Variants in HTR2B observed in about 807,000 individuals in gnomAD.
The protein encoded by HTR2B is 5-hydroxytryptamine receptor 2B.
HTR2B carries 31 observed loss-of-function variants against 39.8 expected under a neutral mutation model. The observed-to-expected ratio is 0.78, with a 90% CI of 0.58 to 1.05. The LOEUF (loss-of-function observed/expected upper bound fraction) is 1.05, where lower values mean the gene tolerates loss of function less well. Among genes scored for constraint, HTR2B ranks in the 50% least tolerant of loss-of-function variants. The pLI is 0.00. For synonymous variants in HTR2B, 210 were observed against 207.1 expected (o/e 1.01, Z -0.12); for missense variants, 562 against 578.0 (o/e 0.97, Z 0.28).
chr2:231,120,131 T>G (rs1333438117), intron 2 of HTR2B, among the ~76,000 whole-genome samples: 1 of 151,960 alleles, frequency 6.6e-6, no homozygotes, highest in Non-Finnish European at 1.5e-5. Context: ...TTTGTATTTT[T>G]AGTAGGGACA....
rs1244462610 is a variant in HTR2B, at chr2:231,123,943, G to T, written c.-179C>A. ...CTAAAATGAGCGCATACACACATCT[G>T]TCCATGTTTGTAGGTAAGATATCCA... On this transcript the variant is annotated 5_prime_UTR_variant, in exon 2 of 4. Transcript: ENST00000258400. The T allele has an allele frequency of 1.6e-6, 1 of 621,658 alleles. No individual in the cohort carries two copies. The highest frequency in any genetic ancestry group is 1.8e-5 in the African/African-American group (1 of 54,208). The allele number at this position is 621,658 out of a possible 1,614,324, so 38.5% of individuals were successfully genotyped here. A position where few individuals can be genotyped will look rare whatever the true frequency, so the allele number is the denominator to read the frequency against.
At chr2:231,115,274 T>C (rs1436394164) in intron 2 of HTR2B, among the ~76,000 whole-genome samples, 1 of 152,158 alleles carries the variant, frequency 6.6e-6, no homozygotes, top group Non-Finnish European at 1.5e-5. Context: ...GAGATTTTTT[T>C]AAAGTCAGGT....
chr2:231,119,106 T>G (rs1695443724), intron 2 of HTR2B, among the ~76,000 whole-genome samples: 1 of 152,256 alleles, frequency 6.6e-6, no homozygotes, highest in South Asian at 2.1e-4. Context: ...GTTTTAAATG[T>G]TTTAAGCATT....
chr2:231,123,645 T>C lies in HTR2B; in HGVS notation c.120A>G (p.Pro40=), dbSNP rs769183553. The part of the protein sequence containing the change: ...NWSGLQTESI[P]EEMKQIVEEQ... ...CCTCAACAATCTGTTTCATTTCCTCTGGTATTGATTCTGTCTGTAATCCAG... is the reference window on the plus strand; with the variant it reads ...CCTCAACAATCTGTTTCATTTCCTCCGGTATTGATTCTGTCTGTAATCCAG... Residue 40 remains proline, a synonymous_variant, in exon 2 of 4, where the codon CCA becomes CCG. Coordinates refer to ENST00000258400, the MANE Select transcript of HTR2B (RefSeq NM_000867.5). The C allele has an allele frequency of 7.4e-6, 12 of 1,614,054 alleles. No individual in the cohort carries two copies. In the Admixed American group the frequency reaches 1.3e-4, roughly 18 times the overall value.
chr2:231,110,615 A>G (rs1695126038), intron 3 of HTR2B, among the ~76,000 whole-genome samples: 1 of 152,224 alleles, frequency 6.6e-6, no homozygotes, highest in Non-Finnish European at 1.5e-5. Context: ...TGACAAGAAT[A>G]TGTTCCTCAA....
intron 2 of HTR2B, among the ~76,000 whole-genome samples, chr2:231,116,045 A>G (rs1419052023): frequency 6.6e-6 from 1 of 152,130 alleles, no homozygotes; most frequent in African/African-American, 2.4e-5. Context: ...ATGGAAAGGA[A>G]CTAATGGGAG....
rs1249244585 is a variant in HTR2B at position 231,123,601 on chromosome 2, T to G, written c.164A>C (p.His55Pro). 1.1e-5 allele frequency: 17 copies of G among 1,614,026 alleles called. No individual in the cohort carries two copies. The East Asian group carries it at 3.6e-4, about 34-fold the overall frequency. ...CATGAGTATCAGAAGAGCTGCCCAG[T>G]GCAGTTTATTTCCCTGTTCCTCAAC... ...QIVEEQGNKL[H>P]WAALLILMVI... The change falls in exon 2 of 4, where the codon CAC (histidine) becomes CCC (proline). Residue 55 changes from histidine to proline, a missense_variant. Transcript: ENST00000258400.
chr2:231,109,760 CA>C (rs2047709856), intron 3 of HTR2B, among the ~76,000 whole-genome samples: 1 of 152,132 alleles, frequency 6.6e-6, no homozygotes, highest in Non-Finnish European at 1.5e-5. Flanking sequence ...AAGAGAAATT[CA>C]GAAGAGAACC....
chr2:231,113,571 A>G (rs1046930648), intron 3 of HTR2B, among the ~76,000 whole-genome samples, 158 bp downstream of exon 3: 2 of 152,238 alleles, frequency 1.3e-5, no homozygotes, highest in Non-Finnish European at 2.9e-5. Flanking sequence ...TAGAAGGCGT[A>G]TGATAAATGC....
chr2:231,111,184 A>T (rs1168484495), intron 3 of HTR2B, among the ~76,000 whole-genome samples: 1 of 151,848 alleles, frequency 6.6e-6, no homozygotes, highest in Admixed American at 6.6e-5. Flanking sequence ...TATTTCTTGA[A>T]CTCTTTGACT....
chr2:231,123,770 G>C lies in HTR2B; in HGVS notation c.-6C>G. On this transcript the variant is annotated 5_prime_UTR_variant, in exon 2 of 4. Coordinates refer to ENST00000258400, the MANE Select transcript of HTR2B (RefSeq NM_000867.5). ...ACTCTGTAAGAGAGAGCCATTTGCT[G>C]TTTTTCTGTGATTCAATCCCGTTCC... The C allele has an allele frequency of 6.2e-7, 1 of 1,603,866 alleles. No homozygotes were observed. The highest frequency in any genetic ancestry group is 8.5e-7 in the Non-Finnish European group (1 of 1,170,770).
In HTR2B at chr2:231,123,842, T is replaced by G; in HGVS notation, c.-78A>C. ...GTAGCTAAGCTGCTCATCTGTTTTT[T>G]TAAGGCATTGTAACCATGCCAAACA... On this transcript the variant is annotated 5_prime_UTR_variant, in exon 2 of 4. An upstream open reading frame in the 5' UTR loses its in-frame stop. Coordinates refer to ENST00000258400, the MANE Select transcript of HTR2B (RefSeq NM_000867.5). 1 of 1,154,796 alleles carries G rather than the reference T, an allele frequency of 8.7e-7. No individual in the cohort carries two copies. The highest frequency in any genetic ancestry group is 1.3e-6 in the Non-Finnish European group (1 of 764,706). 71.5% of individuals were successfully genotyped at this position (1,154,796 alleles called of 1,614,324 possible). A position where few individuals can be genotyped will look rare whatever the true frequency, so the allele number is the denominator to read the frequency against.
Position 231,123,630 on chromosome 2 carries a change from C to A in HTR2B, c.135G>T (p.Gln45His), listed in dbSNP as rs1358683268. ...GTTTATTTCCCTGTTCCTCAACAAT[C>A]TGTTTCATTTCCTCTGGTATTGATT... ...QTESIPEEMK[Q>H]IVEEQGNKLH... The change falls in exon 2 of 4, where the codon CAG becomes CAT. Residue 45 changes from glutamine (Q) to histidine (H), a missense_variant. Coordinates refer to ENST00000258400, the MANE Select transcript of HTR2B (RefSeq NM_000867.5). 1 of 1,614,018 alleles carries A rather than the reference C, an allele frequency of 6.2e-7. No individual in the cohort carries two copies. Among genetic ancestry groups the A allele is most frequent in the East Asian group, 2.2e-5 (1 of 44,896 alleles).
In HTR2B at chr2:231,108,892, A is replaced by G; in HGVS notation, c.1071T>C (p.Thr357=). Residue 357 remains threonine, a synonymous_variant, in exon 4 of 4, where the codon ACT becomes ACC. Coordinates refer to ENST00000258400, the MANE Select transcript of HTR2B (RefSeq NM_000867.5). ...CAAATATCTCCAGGAGCATTTGGAG[A>G]GTAGTTTGGTTACAGGAATCACATA... is the stretch of plus-strand genomic sequence containing the variant. ...LVLCDSCNQT[T]LQMLLEIFVW... 6.2e-7 allele frequency: 1 copy of G among 1,614,162 alleles called. No homozygotes were observed. Among genetic ancestry groups the G allele is most frequent in the Non-Finnish European group, 8.5e-7 (1 of 1,180,008 alleles).
At position 231,123,910 on chromosome 2, in the gene HTR2B, C is replaced by G. The variant is rs116975426; in HGVS notation, c.-146G>C. On this transcript the variant is annotated 5_prime_UTR_variant, in exon 2 of 4. Coordinates refer to ENST00000258400, the MANE Select transcript of HTR2B (RefSeq NM_000867.5). ...ACACCTTCCTTTAAAAAAAAAAATT[C>G]AAGTTCTCTAAAATGAGCGCATACA... The G allele has an allele frequency of 1.0e-3, 716 of 698,206 alleles. 7 individuals are homozygous for G. In the East Asian group the frequency reaches 0.019, roughly 18 times the overall value. The allele number at this position is 698,206 out of a possible 1,614,324, so 43.3% of individuals were successfully genotyped here.
rs978687835 is a variant in HTR2B at position 231,115,462 on chromosome 2, G to A, written c.353-1533C>T. ...CAAAATCAGCACAAACTTTTACTCA[G>A]AAAGAATAAATGATTGGGACTTAGT... is the stretch of plus-strand genomic sequence containing the variant. On this transcript the variant is annotated intron_variant, in intron 2 of 3. Coordinates refer to ENST00000258400, the MANE Select transcript of HTR2B (RefSeq NM_000867.5). 3.3e-5 allele frequency among the ~76,000 whole-genome samples: 5 copies of A among 152,182 alleles called. No individual in the cohort carries two copies. The East Asian group carries it at 5.8e-4, about 18-fold the overall frequency.
chr2:231,109,148 TC>T lies in HTR2B; in HGVS notation c.814del (p.Glu272LysfsTer55). ...CTTTTCCGGTGACGAGCAAGGTGTTTCATCCCTTTGGAAAACTGTAGACACA... is the reference window on the plus strand; with the variant it reads ...CTTTTCCGGTGACGAGCAAGGTGTTTATCCCTTTGGAAAACTGTAGACACA... ...LTVSTVFQRD[E>X]TPCSSPEKVA... On this transcript the variant is annotated frameshift_variant, in exon 4 of 4. Transcript: ENST00000258400. LOFTEE classifies it high-confidence loss of function. The T allele has an allele frequency of 1.2e-6, 2 of 1,614,188 alleles. No homozygotes were observed. The highest frequency in any genetic ancestry group is 2.2e-5 in the South Asian group (2 of 91,080).
At chr2:231,115,930 GA>G (rs1391337364) in intron 2 of HTR2B, among the ~76,000 whole-genome samples, 3 of 152,104 alleles carry the variant, frequency 2.0e-5, no homozygotes, top group Admixed American at 6.6e-5. Flanking sequence ...TAACATTTGA[GA>G]AGCAGTGCTT....
At chr2:231,117,116 A>G (rs1393526315) in intron 2 of HTR2B, among the ~76,000 whole-genome samples, 4 of 152,182 alleles carry the variant, frequency 2.6e-5, no homozygotes, top group Middle Eastern at 3.5e-3. Context: ...TTTAGTTAGT[A>G]TTAATTTAGC....
Sources: gnomAD v4.1 joint callset for allele counts (sites outside exome capture counted in the v4.1 genomes callset) on GRCh38, gnomAD v4.1.1 for gene constraint, MANE v1.5 for transcripts, NCBI Gene and HGNC (gene_info 2026-07-23, HGNC 2026-07-21) for gene names.